Variants in EPHA3 observed in about 807,000 individuals in gnomAD.
The protein encoded by EPHA3 is ephrin type-A receptor 3.
A neutral mutation model predicts 107.1 loss-of-function variants in EPHA3; 42 were observed. That is an observed-to-expected ratio of 0.39 (90% CI 0.31 to 0.51). The LOEUF is 0.51. Ranked by LOEUF, EPHA3 falls within the 20% of genes least tolerant of loss-of-function variation. The probability of loss-of-function intolerance (pLI) is 0.78; values close to 1 mark genes in which losing one functional copy is unlikely to be tolerated. For synonymous variants in EPHA3, 461 were observed against 424.8 expected (o/e 1.09, Z -1.05); for missense variants, 1,183 against 1,211.2 (o/e 0.98, Z 0.35).
intron 5 of EPHA3, among the ~76,000 whole-genome samples, chr3:89,358,057 C>A (rs894986476): frequency 6.6e-6 from 1 of 150,888 alleles, no homozygotes; most frequent in African/African-American, 2.4e-5. Context: ...TATATATGTA[C>A]ATGTATAAAT....
chr3:89,235,023 T>TTCCC (rs369198690), intron 3 of EPHA3, among the ~76,000 whole-genome samples: 1 of 120,380 alleles, frequency 8.3e-6, no homozygotes, highest in Non-Finnish European at 1.7e-5. Context: ...TTCCCTCCCC[T>TTCCC]TCCCTCCCTC....
At chr3:89,407,049 C>A (rs1348817925) in intron 7 of EPHA3, among the ~76,000 whole-genome samples, 2 of 151,876 alleles carry the variant, frequency 1.3e-5, no homozygotes, top group African/African-American at 2.4e-5. Flanking sequence ...AAAGTATGTA[C>A]CCATATTAAT....
intron 1 of EPHA3, among the ~76,000 whole-genome samples, chr3:89,115,765 A>G (rs1707240103): frequency 6.6e-6 from 1 of 152,174 alleles, no homozygotes; most frequent in Admixed American, 6.5e-5. Context: ...GGAAACTGAG[A>G]AAATGGATCA....
intron 3 of EPHA3, among the ~76,000 whole-genome samples, chr3:89,335,982 C>A (rs1410567738): frequency 6.6e-6 from 1 of 152,164 alleles, no homozygotes; most frequent in Non-Finnish European, 1.5e-5. Flanking sequence ...TAGCTGGTCT[C>A]CACTACAGAC....
chr3:89,393,123 G>A (rs759827114), intron 5 of EPHA3, among the ~76,000 whole-genome samples: 4 of 152,140 alleles, frequency 2.6e-5, no homozygotes, highest in Non-Finnish European at 5.9e-5. Context: ...AGCACAAGGG[G>A]CGTGTATTAA....
rs1403566820 is a variant in EPHA3, at chr3:89,355,789, CT to C, written c.1306+13709del. ...CCCGTGTCTGGGGGAAATAGAAACT[CT>C]TTTTTTTTTAATTAAAAATGTGAAT... On this transcript the variant is annotated intron_variant, in intron 5 of 16. Coordinates refer to ENST00000336596, the MANE Select transcript of EPHA3 (RefSeq NM_005233.6). 1.8e-4 allele frequency among the ~76,000 whole-genome samples: 25 copies of C among 141,920 alleles called. 2 individuals are homozygous for C. Among genetic ancestry groups the C allele is most frequent in the East Asian group, 8.2e-4 (4 of 4,904 alleles). The allele number at this position is 141,920 out of a possible 152,430, so 93.1% of individuals were successfully genotyped here. A position where few individuals can be genotyped will look rare whatever the true frequency, so the allele number is the denominator to read the frequency against.
intron 2 of EPHA3, among the ~76,000 whole-genome samples, chr3:89,189,197 C>A (rs1705643371): frequency 1.3e-5 from 2 of 152,156 alleles, no homozygotes; most frequent in African/African-American, 4.8e-5. Flanking sequence ...GAGATGTATA[C>A]CTTAAACTAT....
At position 89,262,963 on chromosome 3, in the gene EPHA3, CTTTTTT is replaced by C. The variant is rs532365863; in HGVS notation, c.814+52465_814+52470del. 2.1e-3 allele frequency among the ~76,000 whole-genome samples: 200 copies of C among 97,472 alleles called. 3 individuals are homozygous for C. The highest frequency in any genetic ancestry group is 7.0e-3 in the African/African-American group (191 of 27,408). The allele number at this position is 97,472 out of a possible 152,430, so 63.9% of individuals were successfully genotyped here. On this transcript the variant is annotated intron_variant, in intron 3 of 16. Coordinates refer to ENST00000336596, the MANE Select transcript of EPHA3 (RefSeq NM_005233.6). ...GTCCCCGAGGGCATGTTACAGCGCT[CTTTTTT>C]TTTTTTTTTTTTTTTTTTTTTAATT...
intron 15 of EPHA3, among the ~76,000 whole-genome samples, chr3:89,460,970 TC>T (rs1710224557): frequency 8.6e-6 from 1 of 115,738 alleles, no homozygotes; most frequent in Admixed American, 8.7e-5. Context: ...ATGCTATCCC[TC>T]CCCCCTCCCC....
chr3:89,276,616 C>T (rs1705812881), intron 3 of EPHA3, among the ~76,000 whole-genome samples: 1 of 152,020 alleles, frequency 6.6e-6, no homozygotes, highest in Non-Finnish European at 1.5e-5. Flanking sequence ...ATACTCCTTT[C>T]CTCTCCTCTT....
At chr3:89,152,758 T>A (rs568446927) in intron 2 of EPHA3, among the ~76,000 whole-genome samples, 242 of 152,140 alleles carry the variant, frequency 1.6e-3, no homozygotes, top group African/African-American at 5.2e-3. Flanking sequence ...CTGTGAAAAA[T>A]CACAAAGGAA....
chr3:89,441,867 G>A lies in EPHA3; in HGVS notation c.2347-7358G>A, dbSNP rs1709792896. Among the ~76,000 whole-genome samples, 4 of 152,170 alleles carry A rather than the reference G, an allele frequency of 2.6e-5. No individual in the cohort carries two copies. The South Asian group carries it at 8.3e-4, about 31-fold the overall frequency. Reference sequence around the variant, plus strand: ...AATGCAGCAAGTCTTATTGTAAAGTGTGACTCAGTTAAAATTTATTGCCCC... The same window carrying A: ...AATGCAGCAAGTCTTATTGTAAAGTATGACTCAGTTAAAATTTATTGCCCC... On this transcript the variant is annotated intron_variant, in intron 13 of 16. Coordinates refer to ENST00000336596, the MANE Select transcript of EPHA3 (RefSeq NM_005233.6).
chr3:89,459,593 A>G (rs1215528858), intron 15 of EPHA3, among the ~76,000 whole-genome samples: 1 of 151,242 alleles, frequency 6.6e-6, no homozygotes, highest in African/African-American at 2.4e-5. Flanking sequence ...GCTGGCATGC[A>G]ATGGTGCCAT....
intron 3 of EPHA3, among the ~76,000 whole-genome samples, chr3:89,221,097 G>C (rs1216562834): frequency 6.6e-6 from 1 of 152,142 alleles, no homozygotes; most frequent in Non-Finnish European, 1.5e-5. Context: ...GCTTGTGTGG[G>C]ACCACTGTTT....
intron 3 of EPHA3, among the ~76,000 whole-genome samples, chr3:89,272,813 G>T (rs1463405089): frequency 6.6e-6 from 1 of 151,898 alleles, no homozygotes; most frequent in Non-Finnish European, 1.5e-5. Flanking sequence ...GATAATGAAA[G>T]AACTTATTTT....
chr3:89,257,365 TC>T (rs1276047239), intron 3 of EPHA3, among the ~76,000 whole-genome samples: 1 of 152,184 alleles, frequency 6.6e-6, no homozygotes, highest in African/African-American at 2.4e-5. Flanking sequence ...TGCAATGGCT[TC>T]CTAACTCCTC....
intron 3 of EPHA3, among the ~76,000 whole-genome samples, chr3:89,335,979 T>A (rs1444175598): frequency 4.6e-5 from 7 of 152,190 alleles, no homozygotes; most frequent in African/African-American, 1.7e-4. Context: ...TAATAGCTGG[T>A]CTCCACTACA....
At chr3:89,442,995 T>A (rs982671531) in intron 13 of EPHA3, among the ~76,000 whole-genome samples, 1 of 152,166 alleles carries the variant, frequency 6.6e-6, no homozygotes, top group Admixed American at 6.5e-5. Flanking sequence ...TATTAAGACA[T>A]CATGGAGTAA....
At chr3:89,376,428 T>A (rs1048441928) in intron 5 of EPHA3, among the ~76,000 whole-genome samples, 6 of 151,986 alleles carry the variant, frequency 3.9e-5, no homozygotes, top group Admixed American at 2.0e-4. Flanking sequence ...AAGTATGTCC[T>A]CCAAGTTGTA....
Sources: gnomAD v4.1 joint callset for allele counts (sites outside exome capture counted in the v4.1 genomes callset) on GRCh38, gnomAD v4.1.1 for gene constraint, MANE v1.5 for transcripts, NCBI Gene and HGNC (gene_info 2026-07-23, HGNC 2026-07-21) for gene names.